NHS: variants seen among roughly 807,000 people sequenced by gnomAD.
NHS encodes the protein NHS actin remodeling regulator, also known as actin remodeling regulator NHS.
NHS carries 5 observed loss-of-function variants against 72.5 expected under a neutral mutation model. The observed-to-expected ratio is 0.07, with a 90% CI of 0.04 to 0.14. The LOEUF is 0.14. NHS is among the 10% of genes least tolerant of loss of function. The pLI is 1.00. For synonymous variants in NHS, 464 were observed against 547.7 expected (o/e 0.85, Z 2.13); for missense variants, 1,072 against 1,355.7 (o/e 0.79, Z 3.29).
intron 1 of NHS, among the ~76,000 whole-genome samples, chrX:17,682,280 G>C (rs1480533972): frequency 8.9e-6 from 1 of 112,074 alleles, no homozygotes; most frequent in Non-Finnish European, 1.9e-5. Flanking sequence ...GATGGCTCCT[G>C]AGGATTGGCT....
At chrX:17,682,373 T>C (rs1047540079) in intron 1 of NHS, among the ~76,000 whole-genome samples, 30 of 111,373 alleles carry the variant, frequency 2.7e-4, no homozygotes, top group African/African-American at 9.2e-4. Context: ...TTGATTGATA[T>C]GCCAACACAC....
chrX:17,721,651 T>C lies in NHS; in HGVS notation c.1108+18T>C. ...TGTTACTGGTATCGTTCTGGTTTTT[T>C]CTTAGGGGCAGTCGGGTCAGAATAT... On this transcript the variant is annotated intron_variant, in intron 5 of 8. Coordinates refer to ENST00000676302, the MANE Select transcript of NHS (RefSeq NM_001291867.2). 8.5e-7 allele frequency: 1 copy of C among 1,176,495 alleles called. No homozygotes were observed. Among genetic ancestry groups the C allele is most frequent in the Non-Finnish European group, 1.2e-6 (1 of 866,102 alleles).
chrX:17,575,253 C>T (rs2065504019), intron 1 of NHS, among the ~76,000 whole-genome samples: 1 of 112,870 alleles, frequency 8.9e-6, no homozygotes, highest in African/African-American at 3.2e-5. Context: ...GGATGAAATC[C>T]AAGCTCCTGG....
intron 1 of NHS, among the ~76,000 whole-genome samples, chrX:17,398,466 C>G (rs186275142): frequency 8.9e-6 from 1 of 112,463 alleles, no homozygotes; most frequent in East Asian, 2.8e-4. Context: ...TGGACATTGC[C>G]TCTGTATCAG....
At chrX:17,483,281 A>G (rs757815735) in intron 1 of NHS, among the ~76,000 whole-genome samples, 1 of 112,233 alleles carries the variant, frequency 8.9e-6, no homozygotes, top group Non-Finnish European at 1.9e-5. Context: ...TAATAGATAT[A>G]TGCTCCTTTA....
intron 5 of NHS, 116 bp downstream of exon 5, chrX:17,721,749 C>T (rs1039738469): frequency 8.1e-6 from 5 of 615,018 alleles, no homozygotes; most frequent in Non-Finnish European, 1.2e-5. Context: ...GCCTTTTTGT[C>T]ATCAAAATAC....
intron 2 of NHS, among the ~76,000 whole-genome samples, chrX:17,689,590 T>C (rs2066183686): frequency 8.9e-6 from 1 of 112,163 alleles, no homozygotes; most frequent in African/African-American, 3.2e-5. Flanking sequence ...GCCATTAATC[T>C]ATGAGCAACT....
intron 1 of NHS, among the ~76,000 whole-genome samples, chrX:17,521,804 C>A (rs1361530866): frequency 8.9e-6 from 1 of 112,421 alleles, no homozygotes; most frequent in East Asian, 2.8e-4. Context: ...TTTGCAAAGC[C>A]AAATGTATTT....
At chrX:17,480,078 C>T (rs781422877) in intron 1 of NHS, among the ~76,000 whole-genome samples, 22 of 110,814 alleles carry the variant, frequency 2.0e-4, no homozygotes, top group South Asian at 1.9e-3. Context: ...ACAAGGGATG[C>T]GAAGGACCTC....
intron 1 of NHS, among the ~76,000 whole-genome samples, chrX:17,684,652 A>G (rs1428293599): frequency 8.9e-6 from 1 of 112,073 alleles, no homozygotes; most frequent in African/African-American, 3.3e-5. Context: ...TCTTTTAAGT[A>G]TTAACTCAGG....
chrX:17,623,170 C>G (rs1485603068), intron 1 of NHS, among the ~76,000 whole-genome samples: 1 of 111,635 alleles, frequency 9.0e-6, no homozygotes, highest in Non-Finnish European at 1.9e-5. Context: ...AACTCCTGGG[C>G]TCAAGCAATC....
intron 1 of NHS, among the ~76,000 whole-genome samples, chrX:17,512,700 C>T (rs1228051438): frequency 8.9e-6 from 1 of 112,741 alleles, no homozygotes; most frequent in East Asian, 2.8e-4. Flanking sequence ...GTATCAGTCA[C>T]ACTGGAACAA....
intron 1 of NHS, among the ~76,000 whole-genome samples, chrX:17,453,191 G>A (rs1405807625): frequency 1.8e-5 from 2 of 110,657 alleles, no homozygotes; most frequent in African/African-American, 6.6e-5. Context: ...GATATAGGTA[G>A]CTCACTGAGT....
intron 1 of NHS, among the ~76,000 whole-genome samples, chrX:17,443,419 C>T (rs1045615551): frequency 9.0e-6 from 1 of 111,566 alleles, no homozygotes; most frequent in African/African-American, 3.3e-5. Context: ...CTCCCCATAG[C>T]TTGACTGTCC....
intron 1 of NHS, among the ~76,000 whole-genome samples, chrX:17,644,245 T>C (rs2065895596): frequency 9.0e-6 from 1 of 111,482 alleles, no homozygotes; most frequent in Non-Finnish European, 1.9e-5. Flanking sequence ...AATATCTTTT[T>C]CCCCTCCACC....
chrX:17,735,382 TTTC>T lies in NHS; in HGVS notation c.*2923_*2925del, dbSNP rs1340082444. The T allele has an allele frequency of 8.8e-6, 1 of 113,384 alleles. No homozygotes were observed. The highest frequency in any genetic ancestry group is 1.9e-5 in the Non-Finnish European group (1 of 53,418). The allele number at this position is 113,384 out of a possible 1,213,427, so 9.3% of individuals were successfully genotyped here. A position where few individuals can be genotyped will look rare whatever the true frequency, so the allele number is the denominator to read the frequency against. On this transcript the variant is annotated 3_prime_UTR_variant, in exon 9 of 9. Coordinates refer to ENST00000676302, the MANE Select transcript of NHS (RefSeq NM_001291867.2). ...ATTGTGAAGAACATCAATCCGAACTTTTCTTCTGTTGTTTGCACTGATGCGATT... is the reference window on the plus strand; with the variant it reads ...ATTGTGAAGAACATCAATCCGAACTTTTCTGTTGTTTGCACTGATGCGATT...
chrX:17,569,479 T>C lies in NHS; in HGVS notation c.566-118263T>C, dbSNP rs189973290. On this transcript the variant is annotated intron_variant, in intron 1 of 8. Transcript: ENST00000676302. ...CATAAATGTCTTCTTTTGAGAAGTG[T>C]CTGTTCATATCCTTTGCCCATTTTT... Among the ~76,000 whole-genome samples, 575 of 111,521 alleles carry C rather than the reference T, an allele frequency of 5.2e-3. 5 individuals carry two copies. The highest frequency in any genetic ancestry group is 0.018 in the African/African-American group (557 of 30,114).
intron 3 of NHS, among the ~76,000 whole-genome samples, chrX:17,700,528 A>G (rs1457521349): frequency 2.7e-5 from 3 of 111,568 alleles, no homozygotes; most frequent in Non-Finnish European, 5.7e-5. Flanking sequence ...AAATTAAACA[A>G]TGTAACAATG....
intron 1 of NHS, among the ~76,000 whole-genome samples, chrX:17,686,326 T>C (rs899749406): frequency 1.1e-4 from 12 of 111,611 alleles, no homozygotes; most frequent in Middle Eastern, 4.6e-3. Flanking sequence ...TAAAGAGCCA[T>C]GGCCACTTGA....
Sources: gnomAD v4.1 joint callset for allele counts (sites outside exome capture counted in the v4.1 genomes callset) on GRCh38, gnomAD v4.1.1 for gene constraint, MANE v1.5 for transcripts, NCBI Gene and HGNC (gene_info 2026-07-23, HGNC 2026-07-21) for gene names.